ZNF322: variants seen among roughly 807,000 people sequenced by gnomAD.
ZNF322 encodes HLA complex group 12.
ZNF322 carries 1 observed loss-of-function variant against 18.3 expected under a neutral mutation model. The ratio of observed to expected loss-of-function variants is 0.05; its 90% CI spans 0.02 to 0.26. The LOEUF (loss-of-function observed/expected upper bound fraction) is 0.26. ZNF322 is among the 10% of genes least tolerant of loss of function. The probability of loss-of-function intolerance (pLI) is 1.00; values close to 1 mark genes in which losing one functional copy is unlikely to be tolerated. For synonymous variants in ZNF322, 17 were observed against 130.7 expected (o/e 0.13, Z 5.93); for missense variants, 36 against 403.6 (o/e 0.09, Z 7.80).
chr6:26,653,333 A>G (rs1391890456), intron 2 of ZNF322, among the ~76,000 whole-genome samples: 2 of 152,190 alleles, frequency 1.3e-5, no homozygotes, highest in Admixed American at 1.3e-4. Context: ...ACAAAACTAG[A>G]TATACATTTA....
chr6:26,639,174 G>A (rs1765422817), intron 3 of ZNF322, among the ~76,000 whole-genome samples: 2 of 152,120 alleles, frequency 1.3e-5, no homozygotes, highest in African/African-American at 2.4e-5. Context: ...ACTCTAATTC[G>A]TAGTGGTGAT....
intron 2 of ZNF322, among the ~76,000 whole-genome samples, chr6:26,656,100 T>G (rs138813260): frequency 7.3e-4 from 111 of 152,322 alleles, no homozygotes; most frequent in African/African-American, 2.5e-3. Context: ...TTTTTGTATA[T>G]CTGTACTTAT....
intron 2 of ZNF322, among the ~76,000 whole-genome samples, chr6:26,657,732 G>T (rs1765807775): frequency 6.6e-6 from 1 of 151,980 alleles, no homozygotes; most frequent in African/African-American, 2.4e-5. Context: ...GAACAAAAAG[G>T]CAATCATTAT....
intron 2 of ZNF322, among the ~76,000 whole-genome samples, chr6:26,654,302 T>C (rs1765726410): frequency 1.3e-5 from 2 of 152,166 alleles, no homozygotes; most frequent in Non-Finnish European, 2.9e-5. Context: ...TTTTTTTTCC[T>C]AGTAATGTTT....
intron 2 of ZNF322, among the ~76,000 whole-genome samples, chr6:26,652,686 G>A (rs192043868): frequency 1.4e-3 from 208 of 150,458 alleles, no homozygotes; most frequent in African/African-American, 4.7e-3. Context: ...GTGAAACTCC[G>A]TCTCAAAAAA....
chr6:26,649,702 T>TATATATATA (rs1491481825), intron 2 of ZNF322, among the ~76,000 whole-genome samples: 75 of 89,062 alleles, frequency 8.4e-4, no homozygotes, highest in East Asian at 2.1e-3. Flanking sequence ...TATATATATA[T>TATATATATA]TTTTTTTTTT....
intron 2 of ZNF322, among the ~76,000 whole-genome samples, chr6:26,644,904 C>T (rs1765529503): frequency 6.6e-6 from 1 of 152,044 alleles, no homozygotes; most frequent in Admixed American, 6.6e-5. Flanking sequence ...CTATACCTAT[C>T]AACCCATCAC....
chr6:26,639,439 G>C (rs1466568797), intron 3 of ZNF322, among the ~76,000 whole-genome samples: 8 of 152,078 alleles, frequency 5.3e-5, no homozygotes, highest in Non-Finnish European at 1.2e-4. Context: ...TCTAGGCTTG[G>C]AACATAGATT....
At chr6:26,657,111 G>T (rs1765792647) in intron 2 of ZNF322, among the ~76,000 whole-genome samples, 1 of 152,126 alleles carries the variant, frequency 6.6e-6, no homozygotes, top group South Asian at 2.1e-4. Context: ...TTAGCCAGGT[G>T]TGGTGGCGGG....
chr6:26,645,728 G>A (rs932951667), intron 2 of ZNF322, among the ~76,000 whole-genome samples: 2 of 151,876 alleles, frequency 1.3e-5, no homozygotes, highest in Admixed American at 1.3e-4. Context: ...TGAACTAAAG[G>A]CATTAAAAAA....
At chr6:26,648,922 G>T (rs1765602729) in intron 2 of ZNF322, among the ~76,000 whole-genome samples, 1 of 152,194 alleles carries the variant, frequency 6.6e-6, no homozygotes. Context: ...AGACTAAGGG[G>T]TGGCAAACTA....
chr6:26,652,261 A>C (rs9368450), intron 2 of ZNF322, among the ~76,000 whole-genome samples: 28,669 of 152,228 alleles, frequency 0.19, 2,813 homozygotes, highest in African/African-American at 0.22. Context: ...GACAAGCCAC[A>C]GACTGGGAGA....
chr6:26,656,125 T>G (rs528122261), intron 2 of ZNF322, among the ~76,000 whole-genome samples: 6 of 152,356 alleles, frequency 3.9e-5, no homozygotes, highest in African/African-American at 1.4e-4. Flanking sequence ...AATTAAAAGG[T>G]ATTTTATTTT....
chr6:26,649,701 A>ATT (rs1321909101), intron 2 of ZNF322, among the ~76,000 whole-genome samples: 2,962 of 76,548 alleles, frequency 0.039, 342 homozygotes, highest in Non-Finnish European at 0.055. Context: ...ATATATATAT[A>ATT]TTTTTTTTTT....
rs1300035030 is a variant in ZNF322, at chr6:26,634,558, T to A, written c.*2787A>T. 1 of 130,424 alleles carries A rather than the reference T, an allele frequency of 7.7e-6. No homozygotes were observed. Among genetic ancestry groups the A allele is most frequent in the Non-Finnish European group, 1.6e-5 (1 of 62,438 alleles). 8.1% of individuals were successfully genotyped at this position (130,424 alleles called of 1,614,324 possible). A position where few individuals can be genotyped will look rare whatever the true frequency, so the allele number is the denominator to read the frequency against. On this transcript the variant is annotated 3_prime_UTR_variant, in exon 4 of 4. Transcript: ENST00000415922. Reference sequence around the variant, plus strand: ...TGGCACTGCTTCAAGGGAACCTCCGTCCATCCCAGAAGTTACCTTCTAGTT... The same window carrying A: ...TGGCACTGCTTCAAGGGAACCTCCGACCATCCCAGAAGTTACCTTCTAGTT...
In ZNF322 at chr6:26,638,667, T is replaced by G; in HGVS notation, c.-114A>C. On this transcript the variant is annotated 5_prime_UTR_variant, in exon 4 of 4. The change abolishes the stop of an existing upstream ORF in the 5' untranslated region. Transcript: ENST00000415922. ...GATACATCTGTTTCAGGCCTTTCAA[T>G]CATGAGCCTCTACAAGTTTCCAGCA... is the stretch of plus-strand genomic sequence containing the variant. 1.2e-6 allele frequency: 1 copy of G among 835,736 alleles called. No individual in the cohort carries two copies. Among genetic ancestry groups the G allele is most frequent in the Non-Finnish European group, 1.9e-6 (1 of 526,552 alleles). 51.8% of individuals were successfully genotyped at this position (835,736 alleles called of 1,614,324 possible). A position where few individuals can be genotyped will look rare whatever the true frequency, so the allele number is the denominator to read the frequency against.
intron 2 of ZNF322, among the ~76,000 whole-genome samples, chr6:26,648,680 C>T (rs9467824): frequency 0.098 from 14,960 of 152,120 alleles, 2,020 homozygotes; most frequent in African/African-American, 0.3. Flanking sequence ...TGATAGAGAA[C>T]AACCTTTGTA....
chr6:26,649,675 G>GTGTATATATATATATA (rs1465971500), intron 2 of ZNF322, among the ~76,000 whole-genome samples: 2 of 22,952 alleles, frequency 8.7e-5, no homozygotes, highest in South Asian at 2.5e-3. Flanking sequence ...GTGTGTGTGT[G>GTGTATATATATATATA]TATATATATA....
intron 3 of ZNF322, among the ~76,000 whole-genome samples, chr6:26,641,857 A>T (rs1482008475): frequency 1.3e-5 from 2 of 152,170 alleles, no homozygotes; most frequent in African/African-American, 4.8e-5. Context: ...ACAGCCTGAG[A>T]TATGGCCTCG....
Sources: allele counts gnomAD v4.1 joint callset (sites outside exome capture counted in the v4.1 genomes callset), GRCh38; gene constraint gnomAD v4.1.1; transcripts MANE v1.5; gene names NCBI Gene and HGNC (gene_info 2026-07-23, HGNC 2026-07-21).